CFAP92: variants seen among roughly 807,000 people sequenced by gnomAD.
The protein encoded by CFAP92 is uncharacterized protein CFAP92.
Under a neutral mutation model 106.3 loss-of-function variants are expected in CFAP92, and 86 were observed. The ratio of observed to expected loss-of-function variants is 0.81; its 90% confidence interval spans 0.68 to 0.97. CFAP92 has a LOEUF of 0.97. Among genes scored for constraint, CFAP92 ranks in the 50% least tolerant of loss-of-function variants. The probability of loss-of-function intolerance (pLI) is 0.00; values close to 1 mark genes in which losing one functional copy is unlikely to be tolerated. For missense variants in CFAP92, 1,204 were observed against 1,283.8 expected, an observed-to-expected ratio of 0.94 and a Z score of 0.95; for synonymous variants, 477 against 506.4, an observed-to-expected ratio of 0.94 and a Z score of 0.78.
chr3:128,945,241 C>T lies in CFAP92; in HGVS notation c.2088G>A (p.Arg696=), dbSNP rs1181028908. 2.0e-6 allele frequency: 3 copies of T among 1,536,120 alleles called. No individual in the cohort carries two copies. Among genetic ancestry groups the T allele is most frequent in the South Asian group, 1.2e-5 (1 of 84,048 alleles). The change falls in exon 10 of 16, where the codon AGG becomes AGA. Residue 696 remains arginine, a synonymous_variant. Transcript: ENST00000645291. The part of the protein sequence containing the change: ...KALGLDSYPV[R]TLQQILSAFK... ...AGGCTGACAGGATCTGCTGCAGGGT[C>T]CTGACAGGGTAGGAGTCCAGGCCGA...
chr3:128,943,010 C>T (rs1462200329), intron 10 of CFAP92, among the ~76,000 whole-genome samples: 6 of 150,108 alleles, frequency 4.0e-5, no homozygotes, highest in African/African-American at 1.5e-4. Flanking sequence ...ACCTCCACCT[C>T]CTGGGTTCAA....
Position 128,915,509 on chromosome 3 carries a change from G to T in CFAP92, c.2971C>A (p.Pro991Thr), listed in dbSNP as rs1402339205. 1.3e-6 allele frequency: 2 copies of T among 1,535,686 alleles called. No individual in the cohort carries two copies. Among genetic ancestry groups the T allele is most frequent in the Admixed American group, 2.0e-5 (1 of 50,888 alleles). Residue 991 changes from proline to threonine, a missense_variant, in exon 14 of 16, where the codon CCC (proline) becomes ACC (threonine). Pro to Thr is a conservative substitution (Grantham distance 38). Transcript: ENST00000645291. Reference protein sequence around the residue: ...SQDYLSAMVEPLDLKEEEKKA... With the variant: ...SQDYLSAMVETLDLKEEEKKA... ...TTCTCCTCTTCCTTCAAGTCCAGGG[G>T]CTCCACCATGGCTGAGAGGTAATCC... is the stretch of plus-strand genomic sequence containing the variant.
chr3:129,004,284 C>A (rs1390163810), upstream of CFAP92, among the ~76,000 whole-genome samples: 1 of 152,152 alleles, frequency 6.6e-6, no homozygotes, highest in Non-Finnish European at 1.5e-5. Flanking sequence ...CATCTGCCCA[C>A]CCATCCATTT....
At chr3:128,994,116 A>C (rs1339523495), upstream of CFAP92, 1 of 985,556 alleles carries the variant, frequency 1.0e-6, no homozygotes. Flanking sequence ...CCGCAGGCCC[A>C]GCCACTCAGC....
intron 9 of CFAP92, among the ~76,000 whole-genome samples, chr3:128,950,731 T>C (rs1302967889): frequency 6.6e-6 from 1 of 152,172 alleles, no homozygotes; most frequent in African/African-American, 2.4e-5. Flanking sequence ...ACGTGTGAAA[T>C]GCTGTCCACT....
At chr3:128,910,386 C>G (rs1936143796) in intron 15 of CFAP92, 53 bp from the exon 16 acceptor site, 31 of 1,443,734 alleles carry the variant, frequency 2.1e-5, no homozygotes, top group Non-Finnish European at 2.6e-5. Context: ...TGCCCCTACC[C>G]CCAGCAAGGG....
intron 9 of CFAP92, among the ~76,000 whole-genome samples, chr3:128,956,977 CAA>C (rs766884799): frequency 3.5e-5 from 1 of 28,596 alleles, no homozygotes; most frequent in African/African-American, 6.6e-5. Context: ...CAGACTCTCT[CAA>C]AAAAAAAAAA....
At chr3:128,936,676 C>G (rs1429381459) in intron 10 of CFAP92, among the ~76,000 whole-genome samples, 1 of 152,178 alleles carries the variant, frequency 6.6e-6, no homozygotes, top group Non-Finnish European at 1.5e-5. Context: ...ACTCACCAGT[C>G]AGAGGTTGCC....
chr3:128,929,938 T>G (rs1014481724), intron 12 of CFAP92, among the ~76,000 whole-genome samples: 1 of 152,198 alleles, frequency 6.6e-6, no homozygotes, highest in African/African-American at 2.4e-5. Flanking sequence ...TATCTCAAGG[T>G]GTAAAAATGT....
intron 9 of CFAP92, among the ~76,000 whole-genome samples, chr3:128,963,991 C>T (rs915324195): frequency 1.3e-5 from 2 of 152,156 alleles, no homozygotes; most frequent in African/African-American, 4.8e-5. Context: ...TAAGTAAAGG[C>T]CTTTCCTACA....
At chr3:129,025,378 A>T in the CFAP92 span, among the ~76,000 whole-genome samples, 3 of 152,100 alleles carry the variant, frequency 2.0e-5, no homozygotes, top group African/African-American at 7.2e-5. Context: ...CCACGGGAAG[A>T]GTGTGTAAGC....
At chr3:129,005,496 T>A (rs1380449415), upstream of CFAP92, among the ~76,000 whole-genome samples, 2 of 152,218 alleles carry the variant, frequency 1.3e-5, no homozygotes, top group African/African-American at 2.4e-5. Flanking sequence ...AGAAAGAACA[T>A]GAAACCATGG....
At chr3:128,924,616 G>GT (rs1486748680) in intron 12 of CFAP92, among the ~76,000 whole-genome samples, 1 of 114,196 alleles carries the variant, frequency 8.8e-6, no homozygotes, top group Non-Finnish European at 1.7e-5. Context: ...GGCTCATTTT[G>GT]TATTTTTTTT....
At chr3:128,956,977 C>CAAAAAAAAAAAA (rs766884799) in intron 9 of CFAP92, among the ~76,000 whole-genome samples, 1 of 28,596 alleles carries the variant, frequency 3.5e-5, no homozygotes, top group African/African-American at 6.6e-5. Context: ...CAGACTCTCT[C>CAAAAAAAAAAAA]AAAAAAAAAA....
chr3:128,996,512 C>T (rs1194822943), upstream of CFAP92, among the ~76,000 whole-genome samples: 2 of 152,154 alleles, frequency 1.3e-5, no homozygotes, highest in Non-Finnish European at 2.9e-5. Flanking sequence ...GGTGTGCTAC[C>T]CACTACTCAG....
upstream of CFAP92, chr3:129,004,023 T>C (rs1944940172): frequency 6.6e-7 from 1 of 1,509,472 alleles, no homozygotes; most frequent in East Asian, 2.7e-5. Context: ...GCGCAACAGG[T>C]GCCCGGCTTG....
the CFAP92 span, among the ~76,000 whole-genome samples, chr3:129,008,725 G>A: frequency 6.6e-6 from 1 of 152,178 alleles, no homozygotes; most frequent in African/African-American, 2.4e-5. Context: ...AGGTGAAATA[G>A]AAGCCTCCCA....
At position 128,941,315 on chromosome 3, in the gene CFAP92, A is replaced by T. The variant is rs528089051; in HGVS notation, c.2258+3756T>A. ...ACTTTTGGTATTTTTTAAATTTCTT[A>T]TAATTTTTTAAATATATTGGCATAA... On this transcript the variant is annotated intron_variant, in intron 10 of 15. Transcript: ENST00000645291. Among the ~76,000 whole-genome samples the T allele has an allele frequency of 2.0e-5, 3 of 152,244 alleles. No homozygotes were observed. The South Asian group carries it at 6.2e-4, about 32-fold the overall frequency.
At chr3:128,932,461 ATTCCTTCTCACCT>A (rs1332308953) in intron 12 of CFAP92, among the ~76,000 whole-genome samples, 8 of 152,174 alleles carry the variant, frequency 5.3e-5, no homozygotes, top group Admixed American at 4.6e-4. Context: ...AGCTAATAGC[ATTCCTTCTCACCT>A]TTCAGGAAGG....
Sources: gnomAD v4.1 joint callset for allele counts (sites outside exome capture counted in the v4.1 genomes callset) on GRCh38, gnomAD v4.1.1 for gene constraint, MANE v1.5 for transcripts, NCBI Gene and HGNC (gene_info 2026-07-23, HGNC 2026-07-21) for gene names.